The following TMEM131 variants were observed in gnomAD, a reference collection of about 807,000 sequenced individuals.
The protein encoded by TMEM131 is 2610524E03Rik.
TMEM131 carries 66 observed loss-of-function variants against 211.6 expected under a neutral mutation model. The ratio of observed to expected loss-of-function variants is 0.31; its 90% CI spans 0.26 to 0.38. The LOEUF (loss-of-function observed/expected upper bound fraction) is 0.38, where lower values mean the gene tolerates loss of function less well. Among genes scored for constraint, TMEM131 ranks in the 10% least tolerant of loss-of-function variants. The pLI is 1.00. For synonymous variants in TMEM131, 844 were observed against 841.3 expected, an observed-to-expected ratio of 1.00 and a Z score of -0.06; for missense variants, 2,036 against 2,299.3, an observed-to-expected ratio of 0.89 and a Z score of 2.34.
At chr2:97,924,632 G>T (rs1368778033) in intron 2 of TMEM131, among the ~76,000 whole-genome samples, 1 of 152,334 alleles carries the variant, frequency 6.6e-6, no homozygotes, top group East Asian at 1.9e-4. Context: ...GCCCAGGTGA[G>T]TTCGTTCCTG....
chr2:97,898,924 A>T (rs576170256), intron 3 of TMEM131, among the ~76,000 whole-genome samples: 1 of 152,148 alleles, frequency 6.6e-6, no homozygotes, highest in South Asian at 2.1e-4. Flanking sequence ...CTCTTGGTGG[A>T]TGTAGTGTTT....
intron 31 of TMEM131, among the ~76,000 whole-genome samples, chr2:97,778,499 TGAG>T (rs1679837975): frequency 6.6e-6 from 1 of 151,442 alleles, no homozygotes; most frequent in South Asian, 2.1e-4. Flanking sequence ...TGCAGTGGGC[TGAG>T]ATCGTGCCAC....
At position 97,940,151 on chromosome 2, in the gene TMEM131, T is replaced by C. The variant is rs148087171; in HGVS notation, c.188-12664A>G. ...CCTCTCTCACCACTCCTATTCTACA[T>C]AGTGTTGGAAGTTCTGGCCAAGCAA... On this transcript the variant is annotated intron_variant, in intron 1 of 40. Transcript: ENST00000186436. Among the ~76,000 whole-genome samples the C allele has an allele frequency of 3.2e-3, 490 of 152,222 alleles. 6 individuals are homozygous for C. In the East Asian group the frequency reaches 0.04, roughly 12 times the overall value.
intron 31 of TMEM131, among the ~76,000 whole-genome samples, chr2:97,784,126 A>G (rs894709044): frequency 6.6e-6 from 1 of 152,138 alleles, no homozygotes; most frequent in African/African-American, 2.4e-5. Flanking sequence ...AGAAATCCAC[A>G]ATTACATTTG....
intron 3 of TMEM131, among the ~76,000 whole-genome samples, chr2:97,902,437 C>G (rs1185380958): frequency 1.3e-5 from 2 of 152,080 alleles, no homozygotes; most frequent in Non-Finnish European, 2.9e-5. Flanking sequence ...TGGACAGAAA[C>G]AGAATAGACA....
At chr2:97,898,436 C>T (rs1449469163) in intron 3 of TMEM131, among the ~76,000 whole-genome samples, 1 of 152,088 alleles carries the variant, frequency 6.6e-6, no homozygotes, top group African/African-American at 2.4e-5. Flanking sequence ...GGTCTATAAG[C>T]AGGCAATTAA....
chr2:97,927,516 T>C, intron 1 of TMEM131, 29 bp from the exon 2 acceptor site: 1 of 1,512,138 alleles, frequency 6.6e-7, no homozygotes, highest in South Asian at 1.4e-5. Context: ...ATACCATCAC[T>C]TACAGGAACA....
At chr2:97,856,774 C>CCTCTA (rs1451310587) in intron 5 of TMEM131, among the ~76,000 whole-genome samples, 1 of 152,112 alleles carries the variant, frequency 6.6e-6, no homozygotes, top group Non-Finnish European at 1.5e-5. Context: ...CTATCTCTCC[C>CCTCTA]CTCTACGTCT....
intron 4 of TMEM131, among the ~76,000 whole-genome samples, chr2:97,863,688 C>T (rs1674156255): frequency 6.6e-6 from 1 of 152,130 alleles, no homozygotes; most frequent in Non-Finnish European, 1.5e-5. Flanking sequence ...ATCAAAACCA[C>T]AATGAGATAT....
intron 1 of TMEM131, among the ~76,000 whole-genome samples, chr2:97,952,579 T>G (rs1678374390): frequency 6.6e-6 from 1 of 152,094 alleles, no homozygotes; most frequent in Admixed American, 6.5e-5. Flanking sequence ...GAAACATAAG[T>G]ACTGTCAATT....
rs1679702962 is a variant in TMEM131 at position 97,775,953 on chromosome 2, CCTT to C, written c.4207_4209del (p.Lys1403del). ...TCATCTTCCTGTGGCTTTCCCTTTC[CCTT>C]CTTCTCCTTTTCCTCTTGCTTCTTA... is the stretch of plus-strand genomic sequence containing the variant. On this transcript the variant is annotated inframe_deletion, in exon 32 of 41. Transcript: ENST00000186436. 1.2e-5 allele frequency: 19 copies of C among 1,613,988 alleles called. No individual in the cohort carries two copies. The highest frequency in any genetic ancestry group is 1.6e-5 in the Non-Finnish European group (19 of 1,179,886).
At position 97,871,907 on chromosome 2, in the gene TMEM131, A is replaced by C. The variant is rs527705617; in HGVS notation, c.360-12480T>G. On this transcript the variant is annotated intron_variant, in intron 4 of 40. Coordinates refer to ENST00000186436, the MANE Select transcript of TMEM131 (RefSeq NM_015348.2). Reference sequence around the variant, plus strand: ...TATAGGAGTTGCTATGGAAACAGAAAAACATTTAACAGCACTGGCATAAAA... The same window carrying C: ...TATAGGAGTTGCTATGGAAACAGAACAACATTTAACAGCACTGGCATAAAA... 3.3e-5 allele frequency among the ~76,000 whole-genome samples: 5 copies of C among 152,126 alleles called. No homozygotes were observed. The East Asian group carries it at 9.7e-4, about 29-fold the overall frequency.
chr2:97,829,920 G>A (rs1431537318), intron 11 of TMEM131, among the ~76,000 whole-genome samples: 1 of 152,080 alleles, frequency 6.6e-6, no homozygotes, highest in Non-Finnish European at 1.5e-5. Context: ...AAGCAAGGAT[G>A]TTTGTTAAAA....
intron 25 of TMEM131, 114 bp from the exon 26 acceptor site, chr2:97,797,630 A>G: frequency 1.1e-6 from 1 of 869,924 alleles, no homozygotes; most frequent in East Asian, 2.6e-5. Context: ...TTAAATGCAT[A>G]AACAATTTTA....
chr2:97,990,450 T>C (rs1383411244), intron 1 of TMEM131, among the ~76,000 whole-genome samples: 1 of 152,212 alleles, frequency 6.6e-6, no homozygotes, highest in African/African-American at 2.4e-5. Context: ...GTTACATAGT[T>C]TGGCTCAAGG....
intron 1 of TMEM131, among the ~76,000 whole-genome samples, chr2:97,974,568 C>A: frequency 6.7e-6 from 1 of 149,090 alleles, no homozygotes; most frequent in Non-Finnish European, 1.5e-5. Context: ...TATTTCAAAC[C>A]AGATTTACAA....
At chr2:97,906,120 T>C (rs531295561) in intron 3 of TMEM131, among the ~76,000 whole-genome samples, 10 of 152,264 alleles carry the variant, frequency 6.6e-5, no homozygotes, top group African/African-American at 2.2e-4. Flanking sequence ...GTCCATATGG[T>C]TATCAGTCTT....
chr2:97,884,248 C>T (rs115870968), intron 4 of TMEM131, among the ~76,000 whole-genome samples: 4,425 of 152,070 alleles, frequency 0.029, 78 homozygotes, highest in Middle Eastern at 0.065. Context: ...CTCTTGTTAT[C>T]GATTTCTAGT....
intron 2 of TMEM131, among the ~76,000 whole-genome samples, chr2:97,920,846 G>A (rs888565810): frequency 2.0e-5 from 3 of 152,114 alleles, no homozygotes; most frequent in African/African-American, 7.2e-5. Context: ...AGATAAAGAA[G>A]ACCTAAATAA....
Sources: gnomAD v4.1 joint callset for allele counts (sites outside exome capture counted in the v4.1 genomes callset) on GRCh38, gnomAD v4.1.1 for gene constraint, MANE v1.5 for transcripts, NCBI Gene and HGNC (gene_info 2026-07-23, HGNC 2026-07-21) for gene names.